TK2: variants seen among roughly 807,000 people sequenced by gnomAD.
TK2 encodes the protein thymidine kinase 2.
In TK2, 35 loss-of-function variants were observed where a neutral mutation model predicts 41.9. The ratio of observed to expected loss-of-function variants is 0.84; its 90% CI spans 0.64 to 1.11. The LOEUF is 1.11. Among genes scored for constraint, TK2 ranks in the 50% least tolerant of loss-of-function variants. TK2 has a pLI of 0.00. For missense variants in TK2, 320 were observed against 351.1 expected (o/e 0.91, Z 0.71); for synonymous variants, 128 against 129.1 (o/e 0.99, Z 0.06).
Position 66,517,845 on chromosome 16 carries a change from A to G in TK2, c.482T>C (p.Leu161Pro). Residue 161 changes from leucine (L) to proline (P), a missense_variant, in exon 7 of 10, where the codon CTG (leucine) becomes CCG (proline). Transcript: ENST00000544898. This position sits in a 1 kb window ranked among gnomAD's most constrained non-coding sequence, Gnocchi z 4.3. ...CAAGATCCAGTCAAACCATTCCGAC[A>G]GAACTACATAGTCCACTTCTGGCAT... Reference protein sequence around the residue: ...GKMPEVDYVVLSEWFDWILRN... With the variant: ...GKMPEVDYVVPSEWFDWILRN... 1 of 1,614,240 alleles carries G rather than the reference A, an allele frequency of 6.2e-7. No individual in the cohort carries two copies. The highest frequency in any genetic ancestry group is 8.5e-7 in the Non-Finnish European group (1 of 1,180,044).
At chr16:66,527,576 T>C (rs1288767354) in intron 6 of TK2, among the ~76,000 whole-genome samples, 1 of 152,136 alleles carries the variant, frequency 6.6e-6, no homozygotes, top group African/African-American at 2.4e-5. Context: ...TGCCTGCCCT[T>C]AGGAGCTTAT....
chr16:66,542,643 G>T lies in TK2; in HGVS notation c.157-690C>A, dbSNP rs1284769741. 2.0e-5 allele frequency among the ~76,000 whole-genome samples: 3 copies of T among 152,296 alleles called. No individual in the cohort carries two copies. In the East Asian group the frequency reaches 5.8e-4, roughly 29 times the overall value. On this transcript the variant is annotated intron_variant, in intron 2 of 9. Transcript: ENST00000544898. ...TGACTGCACGTGGGAGGGAAAGGGG[G>T]TCATGGCACTAGTGGGAGGGGCCAG... is the stretch of plus-strand genomic sequence containing the variant.
At chr16:66,533,055 C>T (rs1334317326) in intron 4 of TK2, among the ~76,000 whole-genome samples, 2 of 144,358 alleles carry the variant, frequency 1.4e-5, no homozygotes, top group East Asian at 4.2e-4. Context: ...ACACCTATCA[C>T]CTGTCTTTTT....
intron 8 of TK2, among the ~76,000 whole-genome samples, chr16:66,516,199 G>T (rs982811031): frequency 6.7e-6 from 1 of 149,754 alleles, no homozygotes; most frequent in Admixed American, 6.6e-5. Flanking sequence ...TTTGGGGGGG[G>T]TTACAATGGA....
chr16:66,522,042 T>C (rs1964796223), intron 6 of TK2, among the ~76,000 whole-genome samples: 1 of 152,204 alleles, frequency 6.6e-6, no homozygotes, highest in African/African-American at 2.4e-5. Context: ...TCCCAGTTTA[T>C]AGAAGAAACC....
In TK2 at chr16:66,521,467, G is replaced by C. The variant is rs538747476; in HGVS notation, c.450-3590C>G. On this transcript the variant is annotated intron_variant, in intron 6 of 9. Transcript: ENST00000544898. ...ATGCTCTTGGAAGGGGTCCTTGGTC[G>C]GGTGGCCTCCCATGGGCAGGGTCAG... 1.9e-4 allele frequency among the ~76,000 whole-genome samples: 29 copies of C among 152,342 alleles called. No individual in the cohort carries two copies. The South Asian group carries it at 3.9e-3, about 21-fold the overall frequency.
chr16:66,546,918 A>G (rs935449170), intron 2 of TK2, among the ~76,000 whole-genome samples: 1 of 151,618 alleles, frequency 6.6e-6, no homozygotes, highest in Non-Finnish European at 1.5e-5. Context: ...TGCCCAGCTA[A>G]TTTTTTGTAT....
chr16:66,524,833 CAG>C (rs932394698), intron 6 of TK2: 1 of 152,272 alleles, frequency 6.6e-6, no homozygotes, highest in African/African-American at 2.4e-5. Context: ...TGGAAAGAGG[CAG>C]AGTCTCCCCC....
chr16:66,549,747 G>A (rs1212796707), intron 1 of TK2, 191 bp downstream of exon 1: 3 of 1,277,054 alleles, frequency 2.3e-6, no homozygotes, highest in East Asian at 3.2e-5. Context: ...AAAGCCGAGC[G>A]CCCCCAGCGC....
intron 6 of TK2, among the ~76,000 whole-genome samples, chr16:66,526,995 G>A (rs1400877320): frequency 6.6e-6 from 1 of 152,214 alleles, no homozygotes; most frequent in Non-Finnish European, 1.5e-5. Flanking sequence ...GTTCTAATCA[G>A]AGCAGTACAC....
chr16:66,529,744 G>A (rs1227470247), intron 5 of TK2, among the ~76,000 whole-genome samples: 1 of 152,132 alleles, frequency 6.6e-6, no homozygotes, highest in Non-Finnish European at 1.5e-5. Context: ...CAGCACCCAT[G>A]GGACCTGGGC....
rs1964648859 is a variant in TK2, at chr16:66,517,439, A to C, written c.539-224T>G. ...GCTGAATGGGATTCTGTTCATAGAC[A>C]GAGCTCAAAACAGGCCTCACACCCA... is the stretch of plus-strand genomic sequence containing the variant. On this transcript the variant is annotated intron_variant, in intron 7 of 9. Coordinates refer to ENST00000544898, the MANE Select transcript of TK2 (RefSeq NM_004614.5). The surrounding 1 kb of genome is among the most constrained non-coding windows in gnomAD (Gnocchi z 4.3). 3.2e-6 allele frequency: 2 copies of C among 623,502 alleles called. No individual in the cohort carries two copies. Among genetic ancestry groups the C allele is most frequent in the African/African-American group, 3.7e-5 (2 of 54,752 alleles). 38.6% of individuals were successfully genotyped at this position (623,502 alleles called of 1,614,324 possible).
chr16:66,540,221 G>A (rs1251116536), intron 3 of TK2, among the ~76,000 whole-genome samples: 1 of 135,726 alleles, frequency 7.4e-6, no homozygotes, highest in African/African-American at 2.8e-5. Flanking sequence ...CACCCAGGTT[G>A]GAGTTCAACG....
intron 6 of TK2, 56 bp downstream of exon 6, chr16:66,528,938 T>A (rs1965019768): frequency 1.3e-6 from 2 of 1,542,548 alleles, no homozygotes; most frequent in African/African-American, 2.7e-5. Context: ...CAAGTTTCTA[T>A]TTCATTTTGA....
At chr16:66,549,575 A>C in intron 1 of TK2, 1 of 1,085,072 alleles carries the variant, frequency 9.2e-7, no homozygotes, top group Non-Finnish European at 1.1e-6. Context: ...CCACGCTGGC[A>C]CCAGAGTGTG....
intron 5 of TK2, among the ~76,000 whole-genome samples, chr16:66,529,771 G>A (rs1222197080): frequency 1.3e-5 from 2 of 152,178 alleles, no homozygotes; most frequent in African/African-American, 4.8e-5. Context: ...ATCCAAGGCA[G>A]ATTCAAAGCC....
chr16:66,521,157 C>T (rs1597082913), intron 6 of TK2, among the ~76,000 whole-genome samples: 2 of 152,348 alleles, frequency 1.3e-5, no homozygotes, highest in South Asian at 4.1e-4. Flanking sequence ...TGGAACTGAA[C>T]CACAGCTCAG....
At chr16:66,516,123 AG>A in intron 8 of TK2, among the ~76,000 whole-genome samples, 2 of 144,826 alleles carry the variant, frequency 1.4e-5, no homozygotes, top group East Asian at 4.6e-4. Flanking sequence ...TGGGGAACAA[AG>A]GTATAAACAA....
At chr16:66,530,197 C>T (rs913619574) in intron 5 of TK2, among the ~76,000 whole-genome samples, 11 of 152,206 alleles carry the variant, frequency 7.2e-5, no homozygotes, top group African/African-American at 2.4e-4. Context: ...AAAAGACAGA[C>T]TTACAGAAGA....
Sources: allele counts gnomAD v4.1 joint callset (sites outside exome capture counted in the v4.1 genomes callset), GRCh38; gene constraint gnomAD v4.1.1; non-coding constraint Gnocchi (gnomAD v3.1); transcripts MANE v1.5; gene names NCBI Gene and HGNC (gene_info 2026-07-23, HGNC 2026-07-21).